ATP6V0A4: variants seen among roughly 807,000 people sequenced by gnomAD.
ATP6V0A4 encodes the protein V-type proton ATPase 116 kDa subunit a 4.
ATP6V0A4 carries 86 observed loss-of-function variants against 107.3 expected under a neutral mutation model. The observed-to-expected ratio is 0.80, with a 90% confidence interval of 0.67 to 0.96. ATP6V0A4 has a LOEUF of 0.96. Among genes scored for constraint, ATP6V0A4 ranks in the 40% least tolerant of loss-of-function variants. The probability of loss-of-function intolerance (pLI) is 0.00; values close to 1 mark genes in which losing one functional copy is unlikely to be tolerated. For missense variants in ATP6V0A4, 908 were observed against 1,045.6 expected (o/e 0.87, Z 1.81); for synonymous variants, 353 against 381.4 (o/e 0.93, Z 0.87).
Position 138,710,695 on chromosome 7 carries a change from G to A in ATP6V0A4, c.2258-900C>T, listed in dbSNP as rs528773601. Among the ~76,000 whole-genome samples, 77 of 152,292 alleles carry A rather than the reference G, an allele frequency of 5.1e-4. 1 individual carries two copies. In the South Asian group the frequency reaches 0.015, roughly 30 times the overall value. ...CTGCAATGTACAAGGGCACATGCCA[G>A]GTACTGAGCACAGGAGGTGAATTCA... On this transcript the variant is annotated intron_variant, in intron 20 of 21. Transcript: ENST00000310018.
Position 138,715,130 on chromosome 7 carries a change from G to A in ATP6V0A4, c.2257+634C>T, listed in dbSNP as rs78802771. 6.5e-3 allele frequency among the ~76,000 whole-genome samples: 984 copies of A among 152,284 alleles called. 12 individuals are homozygous for A. Among genetic ancestry groups the A allele is most frequent in the African/African-American group, 0.022 (916 of 41,568 alleles). The stretch of plus-strand genomic sequence containing the variant: ...ACCTGCAGCCTGCAGCAGGAGCACG[G>A]CTGCCCACGCCTTGATTTTAGGACT... On this transcript the variant is annotated intron_variant, in intron 20 of 21. Coordinates refer to ENST00000310018, the MANE Select transcript of ATP6V0A4 (RefSeq NM_020632.3).
Position 138,728,751 on chromosome 7 carries a change from C to A in ATP6V0A4, c.2010+10G>T, listed in dbSNP as rs759986909. 3.1e-6 allele frequency: 5 copies of A among 1,614,028 alleles called. No individual in the cohort carries two copies. Among genetic ancestry groups the A allele is most frequent in the Non-Finnish European group, 4.2e-6 (5 of 1,180,030 alleles). On this transcript the variant is annotated intron_variant, in intron 18 of 21. Coordinates refer to ENST00000310018, the MANE Select transcript of ATP6V0A4 (RefSeq NM_020632.3). The stretch of plus-strand genomic sequence containing the variant: ...GCAAAGTAGGGTGAACTGAAACAAA[C>A]AGCCCTTACCTGGGATTTCCGATGA...
chr7:138,784,281 C>CATAT (rs57155792), intron 2 of ATP6V0A4, among the ~76,000 whole-genome samples: 4 of 114,534 alleles, frequency 3.5e-5, no homozygotes, highest in African/African-American at 1.6e-4. Context: ...TATATATATA[C>CATAT]ATATATATAC....
chr7:138,718,052 G>A (rs1269218554), intron 19 of ATP6V0A4, among the ~76,000 whole-genome samples: 3 of 134,130 alleles, frequency 2.2e-5, no homozygotes, highest in African/African-American at 2.8e-5. Context: ...GAGTGGGGGG[G>A]TACAGTCACG....
intron 2 of ATP6V0A4, among the ~76,000 whole-genome samples, chr7:138,777,135 C>T (rs1335969972): frequency 7.4e-5 from 10 of 135,910 alleles, no homozygotes; most frequent in Admixed American, 1.5e-4. Flanking sequence ...AAAGACACAG[C>T]GAGACTCCGT....
chr7:138,715,986 C>CT, intron 19 of ATP6V0A4, 105 bp from the exon 20 acceptor site: 1 of 1,478,056 alleles, frequency 6.8e-7, no homozygotes, highest in Non-Finnish European at 9.4e-7. Context: ...TGTTCAGACA[C>CT]TTTCAGTCTA....
rs55813808 is a variant in ATP6V0A4 at position 138,769,147 on chromosome 7, G to GA, written c.196+25dup. 19,091 of 1,539,980 alleles carry GA rather than the reference G, an allele frequency of 0.012. No individual in the cohort carries two copies. The highest frequency in any genetic ancestry group is 0.12 in the East Asian group (4,724 of 38,132). On this transcript the variant is annotated intron_variant, in intron 4 of 21. Transcript: ENST00000310018. ...TTGCCAGTTCACATTTGAACAGTAA[G>GA]AAAAAAAAAAAAAAAATTGGCTTAC...
intron 20 of ATP6V0A4, among the ~76,000 whole-genome samples, chr7:138,710,699 C>T (rs971448047): frequency 6.6e-6 from 1 of 152,206 alleles, no homozygotes. Context: ...ATGCCAGGTA[C>T]TGAGCACAGG....
Position 138,756,473 on chromosome 7 carries a change from T to C in ATP6V0A4, c.707A>G (p.Lys236Arg), listed in dbSNP as rs192215996. The C allele has an allele frequency of 3.7e-6, 6 of 1,613,796 alleles. No individual in the cohort carries two copies. Among genetic ancestry groups the C allele is most frequent in the Non-Finnish European group, 5.1e-6 (6 of 1,179,990 alleles). ...TCCCTCTTACCCATCACAGATCTTC[T>C]TGATTTTCTGCCTGAGCTGCTCTCC... ...YQGEQLRQKI[K>R]KICDGFRATV... Residue 236 changes from lysine (K) to arginine (R), a missense_variant, in exon 9 of 22, where the codon AAG (lysine) becomes AGG (arginine). Lys to Arg is a conservative substitution (Grantham distance 26). Coordinates refer to ENST00000310018, the MANE Select transcript of ATP6V0A4 (RefSeq NM_020632.3).
chr7:138,772,500 C>A (rs1807444817), intron 2 of ATP6V0A4, among the ~76,000 whole-genome samples: 1 of 152,100 alleles, frequency 6.6e-6, no homozygotes, highest in African/African-American at 2.4e-5. Flanking sequence ...CAAAACTGAC[C>A]TGCAAGACAC....
intron 14 of ATP6V0A4, among the ~76,000 whole-genome samples, chr7:138,742,770 C>T (rs1440859869): frequency 1.3e-5 from 2 of 151,238 alleles, no homozygotes; most frequent in Admixed American, 6.6e-5. Flanking sequence ...TGGGCTCAAG[C>T]AATCCTCCCA....
intron 11 of ATP6V0A4, among the ~76,000 whole-genome samples, chr7:138,751,548 C>T (rs545096555): frequency 3.3e-5 from 5 of 151,464 alleles, no homozygotes; most frequent in African/African-American, 9.7e-5. Flanking sequence ...GCCCACCACT[C>T]ATCACTGCCT....
At chr7:138,724,014 A>T (rs964805871) in intron 18 of ATP6V0A4, among the ~76,000 whole-genome samples, 6 of 120,734 alleles carry the variant, frequency 5.0e-5, no homozygotes, top group African/African-American at 2.0e-4. Context: ...ACAAAGTGAG[A>T]TCCCATCTCT....
intron 17 of ATP6V0A4, among the ~76,000 whole-genome samples, chr7:138,732,398 C>T (rs1249377720): frequency 6.6e-6 from 1 of 152,024 alleles, no homozygotes; most frequent in Non-Finnish European, 1.5e-5. Context: ...GTGCTTGCAC[C>T]TTCATTTAAT....
At chr7:138,789,565 G>A (rs1808313430) in intron 1 of ATP6V0A4, among the ~76,000 whole-genome samples, 1 of 151,626 alleles carries the variant, frequency 6.6e-6, no homozygotes, top group African/African-American at 2.4e-5. Flanking sequence ...TTTTTTAATG[G>A]AAAAGAAGAT....
At chr7:138,763,513 A>G (rs192460392) in intron 5 of ATP6V0A4, among the ~76,000 whole-genome samples, 1 of 152,274 alleles carries the variant, frequency 6.6e-6, no homozygotes, top group East Asian at 1.9e-4. Flanking sequence ...CTGTAATCCC[A>G]GCTACCCAGG....
intron 19 of ATP6V0A4, 35 bp downstream of exon 19, chr7:138,721,862 G>A (rs1227249508): frequency 3.7e-6 from 6 of 1,611,172 alleles, no homozygotes; most frequent in Non-Finnish European, 5.1e-6. Context: ...TGTACAAACT[G>A]GGGAGTCTTC....
Position 138,730,933 on chromosome 7 carries a change from T to TC in ATP6V0A4, c.1908+1943_1908+1944insG, listed in dbSNP as rs200188315. On this transcript the variant is annotated intron_variant, in intron 17 of 21. Transcript: ENST00000310018. ...AGGCATTTTTTCTTCTTCTTCTTCTTTTTTTATTTTTTTTTTTGAGACAGA... is the reference window on the plus strand; with the variant it reads ...AGGCATTTTTTCTTCTTCTTCTTCTTCTTTTTATTTTTTTTTTTGAGACAGA... 5.7e-3 allele frequency among the ~76,000 whole-genome samples: 774 copies of TC among 134,724 alleles called. 9 individuals carry two copies. Among genetic ancestry groups the TC allele is most frequent in the East Asian group, 0.01 (50 of 4,788 alleles). The allele number at this position is 134,724 out of a possible 152,430, so 88.4% of individuals were successfully genotyped here.
At chr7:138,739,162 G>A (rs1805489303) in intron 15 of ATP6V0A4, among the ~76,000 whole-genome samples, 1 of 152,154 alleles carries the variant, frequency 6.6e-6, no homozygotes, top group South Asian at 2.1e-4. Flanking sequence ...AGAAAAAAGG[G>A]AAATGTTTCC....
Sources: gnomAD v4.1 joint callset for allele counts (sites outside exome capture counted in the v4.1 genomes callset) on GRCh38, gnomAD v4.1.1 for gene constraint, MANE v1.5 for transcripts, NCBI Gene and HGNC (gene_info 2026-07-23, HGNC 2026-07-21) for gene names.